Variants in ATG5 observed in about 807,000 individuals in gnomAD.
ATG5 encodes the protein autophagy related 5, also known as autophagy protein 5.
Under a neutral mutation model 36.5 loss-of-function variants are expected in ATG5, and 14 were observed. The ratio of observed to expected loss-of-function variants is 0.38; its 90% CI spans 0.25 to 0.60. The LOEUF is 0.60. Ranked by LOEUF, ATG5 falls within the 20% of genes least tolerant of loss-of-function variation. The probability of loss-of-function intolerance (pLI) is 0.60; values close to 1 mark genes in which losing one functional copy is unlikely to be tolerated. For synonymous variants in ATG5, 95 were observed against 101.5 expected, an observed-to-expected ratio of 0.94 and a Z score of 0.38; for missense variants, 195 against 326.7, an observed-to-expected ratio of 0.60 and a Z score of 3.11.
intron 5 of ATG5, among the ~76,000 whole-genome samples, chr6:106,266,613 G>T (rs1019639793): frequency 6.6e-6 from 1 of 152,138 alleles, no homozygotes; most frequent in East Asian, 1.9e-4. Context: ...GAAAATTCTG[G>T]CAAACCGAAT....
At chr6:106,297,765 C>CACACACAT (rs752893372) in intron 3 of ATG5, among the ~76,000 whole-genome samples, 42 of 108,086 alleles carry the variant, frequency 3.9e-4, no homozygotes, top group African/African-American at 1.2e-3. Flanking sequence ...CACACACACA[C>CACACACAT]ATATATATTT....
In ATG5 at chr6:106,260,466, T is replaced by C. The variant is rs79249771; in HGVS notation, c.479-12222A>G. On this transcript the variant is annotated intron_variant, in intron 5 of 7. Transcript: ENST00000369076. ...AAGCATAGTCTGGATACTAAAGGGA[T>C]ACTGTGCGAAGAAATGCTTCTTAAG... Among the ~76,000 whole-genome samples, 10 of 152,360 alleles carry C rather than the reference T, an allele frequency of 6.6e-5. No individual in the cohort carries two copies. The East Asian group carries it at 1.9e-3, about 29-fold the overall frequency.
At chr6:106,189,662 T>A (rs961198475) in intron 7 of ATG5, among the ~76,000 whole-genome samples, 36 of 125,270 alleles carry the variant, frequency 2.9e-4, no homozygotes, top group Non-Finnish European at 7.1e-5. Flanking sequence ...AAAAAAAAAA[T>A]CAGTAGATGT....
chr6:106,319,285 CTAA>C (rs1362305365), intron 1 of ATG5, among the ~76,000 whole-genome samples: 1 of 152,010 alleles, frequency 6.6e-6, no homozygotes. Flanking sequence ...ACTTCAAAAA[CTAA>C]TAATAATCAA....
At chr6:106,267,426 C>T (rs1779268697) in intron 5 of ATG5, among the ~76,000 whole-genome samples, 1 of 152,116 alleles carries the variant, frequency 6.6e-6, no homozygotes, top group Non-Finnish European at 1.5e-5. Flanking sequence ...AAGTAATTTA[C>T]AGATTCAACG....
chr6:106,269,317 G>A (rs569471430), intron 5 of ATG5, among the ~76,000 whole-genome samples: 4 of 152,224 alleles, frequency 2.6e-5, no homozygotes, highest in African/African-American at 9.6e-5. Flanking sequence ...AGACATAAAG[G>A]TTCTCCACGT....
At chr6:106,187,902 CT>C (rs112910031) in intron 7 of ATG5, among the ~76,000 whole-genome samples, 3,736 of 152,226 alleles carry the variant, frequency 0.025, 64 homozygotes, top group African/African-American at 0.049. Flanking sequence ...AAAATAAAAA[CT>C]TTAACATACT....
At chr6:106,238,244 C>T (rs1777974687) in intron 6 of ATG5, among the ~76,000 whole-genome samples, 1 of 152,168 alleles carries the variant, frequency 6.6e-6, no homozygotes, top group African/African-American at 2.4e-5. Context: ...GATCTTGGCT[C>T]ACCACAATCT....
intron 5 of ATG5, among the ~76,000 whole-genome samples, chr6:106,251,737 AAG>A (rs1778598158): frequency 6.7e-6 from 1 of 149,480 alleles, no homozygotes. Flanking sequence ...AAGAGAAAGA[AAG>A]AAAGAAAAGA....
chr6:106,325,646 G>A lies in ATG5; in HGVS notation c.-179C>T, dbSNP rs553126902. On this transcript the variant is annotated 5_prime_UTR_variant, in exon 1 of 8. Coordinates refer to ENST00000369076, the MANE Select transcript of ATG5 (RefSeq NM_004849.4). ...CTGACACACTGTCCTGCGGGGACGCGGTAGCAGGACTCCAGGAAGCCCGCG... is the reference window on the plus strand; with the variant it reads ...CTGACACACTGTCCTGCGGGGACGCAGTAGCAGGACTCCAGGAAGCCCGCG... The A allele has an allele frequency of 6.5e-6, 1 of 152,816 alleles. No individual in the cohort carries two copies. Among genetic ancestry groups the A allele is most frequent in the Non-Finnish European group, 1.5e-5 (1 of 68,104 alleles). The allele number at this position is 152,816 out of a possible 1,614,324, so 9.5% of individuals were successfully genotyped here.
chr6:106,269,420 T>C (rs1779356142), intron 5 of ATG5, among the ~76,000 whole-genome samples: 1 of 152,166 alleles, frequency 6.6e-6, no homozygotes, highest in Non-Finnish European at 1.5e-5. Flanking sequence ...CCTCAGCCCT[T>C]GGGTGGTCGA....
intron 3 of ATG5, among the ~76,000 whole-genome samples, chr6:106,300,369 G>GT (rs1209638863): frequency 6.6e-6 from 1 of 152,108 alleles, no homozygotes; most frequent in Non-Finnish European, 1.5e-5. Flanking sequence ...AATGTTAAAT[G>GT]TTTTTTAAAA....
chr6:106,246,390 T>TCA (rs1423043399), intron 6 of ATG5, among the ~76,000 whole-genome samples: 99 of 113,520 alleles, frequency 8.7e-4, no homozygotes, highest in African/African-American at 3.2e-3. Flanking sequence ...TCTCTCTCTC[T>TCA]CTCACACACA....
At chr6:106,241,520 G>A (rs773339871) in intron 6 of ATG5, among the ~76,000 whole-genome samples, 1 of 152,140 alleles carries the variant, frequency 6.6e-6, no homozygotes, top group Non-Finnish European at 1.5e-5. Flanking sequence ...TGAAAACAGG[G>A]TGTACACCCA....
At chr6:106,256,447 T>A (rs1778802102) in intron 5 of ATG5, among the ~76,000 whole-genome samples, 1 of 152,088 alleles carries the variant, frequency 6.6e-6, no homozygotes. Context: ...TTTTGAAAGC[T>A]CCCCAGATGA....
At chr6:106,302,994 T>A (rs1173219697) in intron 3 of ATG5, among the ~76,000 whole-genome samples, 2 of 151,996 alleles carry the variant, frequency 1.3e-5, no homozygotes, top group Non-Finnish European at 2.9e-5. Flanking sequence ...TGCATTTTAC[T>A]ACAATTTAAA....
At chr6:106,300,464 C>G (rs550360846) in intron 3 of ATG5, among the ~76,000 whole-genome samples, 2 of 152,242 alleles carry the variant, frequency 1.3e-5, no homozygotes, top group African/African-American at 4.8e-5. Context: ...GTCATTCTAT[C>G]ATGTCTATGT....
chr6:106,271,698 C>CAA (rs1313475994), intron 5 of ATG5: 1 of 151,848 alleles, frequency 6.6e-6, no homozygotes, highest in African/African-American at 2.4e-5. Context: ...TTGCTAATGG[C>CAA]AAACAGCATA....
At chr6:106,229,397 T>G (rs1252791086) in intron 6 of ATG5, among the ~76,000 whole-genome samples, 1 of 148,590 alleles carries the variant, frequency 6.7e-6, no homozygotes, top group South Asian at 2.2e-4. Context: ...AAAGAGACAG[T>G]GAGAGACAGA....
Sources: gnomAD v4.1 joint callset for allele counts (sites outside exome capture counted in the v4.1 genomes callset) on GRCh38, gnomAD v4.1.1 for gene constraint, MANE v1.5 for transcripts, NCBI Gene and HGNC (gene_info 2026-07-23, HGNC 2026-07-21) for gene names.